The following RBL1 variants were observed in gnomAD, a reference collection of about 807,000 sequenced individuals.
RBL1 encodes RB transcriptional corepressor like 1, also known as retinoblastoma-like protein 1.
Under a neutral mutation model 123.0 loss-of-function variants are expected in RBL1, and 82 were observed. The observed-to-expected ratio is 0.67, with a 90% CI of 0.56 to 0.80. The LOEUF is 0.80. RBL1 is among the 30% of genes least tolerant of loss of function. RBL1 has a pLI of 0.00. For missense variants in RBL1, 1,171 were observed against 1,299.6 expected (o/e 0.90, Z 1.52); for synonymous variants, 405 against 441.3 (o/e 0.92, Z 1.03).
At chr20:37,003,943 G>A (rs2064028500) in intron 20 of RBL1, 77 bp from the exon 21 acceptor site, 4 of 1,303,710 alleles carry the variant, frequency 3.1e-6, no homozygotes, top group Non-Finnish European at 4.1e-6. Flanking sequence ...TATTCTTATG[G>A]TATCTTCTAG....
chr20:37,089,657 C>T (rs1009974249), intron 1 of RBL1, among the ~76,000 whole-genome samples: 1 of 146,948 alleles, frequency 6.8e-6, no homozygotes, highest in Non-Finnish European at 1.5e-5. Flanking sequence ...AATCCTGTCT[C>T]TTAAAAAAAA....
At chr20:37,033,065 T>TG (rs2064540756) in intron 15 of RBL1, among the ~76,000 whole-genome samples, 189 bp from the exon 16 acceptor site, 3 of 150,326 alleles carry the variant, frequency 2.0e-5, no homozygotes, top group African/African-American at 7.3e-5. Flanking sequence ...TCACTCAGGC[T>TG]GGAGTGCAGT....
intron 14 of RBL1, among the ~76,000 whole-genome samples, chr20:37,037,480 C>T (rs2064636018): frequency 6.6e-6 from 1 of 152,102 alleles, no homozygotes; most frequent in Non-Finnish European, 1.5e-5. Flanking sequence ...AAATAATTCT[C>T]AATATTTCGT....
intron 9 of RBL1, among the ~76,000 whole-genome samples, chr20:37,058,572 GTTTT>G (rs1429815181): frequency 6.6e-6 from 1 of 150,790 alleles, no homozygotes; most frequent in African/African-American, 2.4e-5. Flanking sequence ...TATTTGTTTT[GTTTT>G]TTTGTTTTTG....
chr20:37,080,451 ACT>A lies in RBL1; in HGVS notation c.290+8536_290+8537del, dbSNP rs111469337. 2.2e-3 allele frequency among the ~76,000 whole-genome samples: 288 copies of A among 133,402 alleles called. 2 individuals are homozygous for A. Among genetic ancestry groups the A allele is most frequent in the African/African-American group, 7.7e-3 (270 of 35,068 alleles). The allele number at this position is 133,402 out of a possible 152,430, so 87.5% of individuals were successfully genotyped here. A position where few individuals can be genotyped will look rare whatever the true frequency, so the allele number is the denominator to read the frequency against. ...CCTGTGCCTGGTCCCGCCGCAATTT[ACT>A]CTCTCTCTCTTTTTTTTTTTTTTGA... is the stretch of plus-strand genomic sequence containing the variant. On this transcript the variant is annotated intron_variant, in intron 2 of 21. Coordinates refer to ENST00000373664, the MANE Select transcript of RBL1 (RefSeq NM_002895.5).
chr20:37,087,987 G>A (rs1009521410), intron 2 of RBL1, among the ~76,000 whole-genome samples: 1 of 152,166 alleles, frequency 6.6e-6, no homozygotes, highest in East Asian at 1.9e-4. Context: ...AGATCTGGCT[G>A]GGAGTGCTGG....
At chr20:37,049,462 C>T in intron 11 of RBL1, 1 of 754,292 alleles carries the variant, frequency 1.3e-6, no homozygotes, top group South Asian at 1.4e-5. Flanking sequence ...GTTGAGACTT[C>T]ATGGTGGTGC....
intron 21 of RBL1, among the ~76,000 whole-genome samples, chr20:37,000,631 C>T (rs868217947): frequency 7.1e-3 from 982 of 138,924 alleles, no homozygotes; most frequent in African/African-American, 0.025. Context: ...CCGCCACATC[C>T]GGGAGGTGAG....
chr20:37,053,473 C>T lies in RBL1; in HGVS notation c.1467+2080G>A, dbSNP rs1474300916. ...GTCCTATGATGAAATGGTGTCCTGA[C>T]TAGGGTTGGGGCCCGCCTTTCATCG... On this transcript the variant is annotated intron_variant, in intron 11 of 21. Coordinates refer to ENST00000373664, the MANE Select transcript of RBL1 (RefSeq NM_002895.5). Among the ~76,000 whole-genome samples the T allele has an allele frequency of 4.6e-5, 7 of 152,268 alleles. No individual in the cohort carries two copies. The East Asian group carries it at 1.3e-3, about 29-fold the overall frequency.
intron 19 of RBL1, among the ~76,000 whole-genome samples, chr20:37,010,760 ATGTGTGTGTGTG>A (rs374094594): frequency 8.4e-5 from 12 of 143,000 alleles, no homozygotes; most frequent in Admixed American, 1.4e-4. Flanking sequence ...GCACATGACT[ATGTGTGTGTGTG>A]TGTGTGTGTG....
chr20:37,003,411 T>G (rs528575635), intron 21 of RBL1, among the ~76,000 whole-genome samples: 1 of 152,260 alleles, frequency 6.6e-6, no homozygotes, highest in Admixed American at 6.6e-5. Context: ...ATCCCCCAGG[T>G]CTGACCACTT....
At chr20:37,022,872 T>C (rs1340073517) in intron 16 of RBL1, 46 bp from the exon 17 acceptor site, 3 of 1,439,816 alleles carry the variant, frequency 2.1e-6, no homozygotes, top group African/African-American at 1.4e-5. Flanking sequence ...AAGTAAATCA[T>C]TTCTCAAATT....
intron 21 of RBL1, among the ~76,000 whole-genome samples, chr20:37,001,112 C>G (rs1223453396): frequency 0.099 from 11,947 of 120,608 alleles, 48 homozygotes; most frequent in African/African-American, 0.15. Flanking sequence ...CGCCCTGTCC[C>G]GGAGGGAGGC....
intron 9 of RBL1, 70 bp downstream of exon 9, chr20:37,061,033 C>G: frequency 7.1e-7 from 1 of 1,409,294 alleles, no homozygotes; most frequent in Non-Finnish European, 9.4e-7. Context: ...TCTGAATATA[C>G]TAAAAATAGA....
Position 37,040,281 on chromosome 20 carries a change from A to G in RBL1, c.1775T>C (p.Ile592Thr), listed in dbSNP as rs138473222. The G allele has an allele frequency of 2.3e-4, 369 of 1,613,670 alleles. No individual in the cohort carries two copies. The African/African-American group carries it at 4.3e-3, about 19-fold the overall frequency. ...TCCTGTTTCAAAGTTATTTGGGAAT[A>G]TAACCTGTAGAAAACAAAAACCCTT... Reference protein sequence around the residue: ...ANKVPTCEEVIFPNNFETGNG... With the variant: ...ANKVPTCEEVTFPNNFETGNG... The change falls in exon 14 of 22, where the codon ATA becomes ACA. Residue 592 changes from isoleucine to threonine, a missense_variant. Ile to Thr is a moderately conservative substitution (Grantham distance 89, BLOSUM62 -1). Coordinates refer to ENST00000373664, the MANE Select transcript of RBL1 (RefSeq NM_002895.5).
intron 16 of RBL1, among the ~76,000 whole-genome samples, chr20:37,026,380 A>G (rs1223034564): frequency 6.6e-6 from 1 of 152,206 alleles, no homozygotes; most frequent in East Asian, 1.9e-4. Flanking sequence ...TAAATTAAAG[A>G]AGATTTATTT....
intron 2 of RBL1, among the ~76,000 whole-genome samples, chr20:37,084,042 G>A (rs1267943135): frequency 6.6e-6 from 1 of 150,954 alleles, no homozygotes; most frequent in African/African-American, 2.4e-5. Context: ...CCGAGTAGCT[G>A]GGATTACAGG....
At chr20:37,064,775 A>G (rs2065152404) in intron 7 of RBL1, among the ~76,000 whole-genome samples, 1 of 151,754 alleles carries the variant, frequency 6.6e-6, no homozygotes, top group African/African-American at 2.4e-5. Flanking sequence ...ACACCCAGAT[A>G]ATTTTTGAAT....
Position 37,095,971 on chromosome 20 carries a change from T to C in RBL1, c.-43A>G, listed in dbSNP as rs758349731. On this transcript the variant is annotated 5_prime_UTR_variant, in exon 1 of 22. Transcript: ENST00000373664. Reference sequence around the variant, plus strand: ...GCTGCGCGCCACGGCCCCCGACTTCTTTCTCCCTCCCAGGCGCGCTACCCA... The same window carrying C: ...GCTGCGCGCCACGGCCCCCGACTTCCTTCTCCCTCCCAGGCGCGCTACCCA... 8 of 1,435,810 alleles carry C rather than the reference T, an allele frequency of 5.6e-6. No individual in the cohort carries two copies. Among genetic ancestry groups the C allele is most frequent in the Admixed American group, 2.3e-5 (1 of 43,662 alleles). 88.9% of individuals were successfully genotyped at this position (1,435,810 alleles called of 1,614,324 possible).
Sources: allele counts gnomAD v4.1 joint callset (sites outside exome capture counted in the v4.1 genomes callset), GRCh38; gene constraint gnomAD v4.1.1; transcripts MANE v1.5; gene names NCBI Gene and HGNC (gene_info 2026-07-23, HGNC 2026-07-21).